The following SPINDOC variants were observed in gnomAD, a reference collection of about 807,000 sequenced individuals.
SPINDOC encodes the protein spindlin interactor and repressor of chromatin binding, also known as spindlin interactor and repressor of chromatin-binding protein.
SPINDOC carries 13 observed loss-of-function variants against 30.7 expected under a neutral mutation model. The observed-to-expected ratio is 0.42, with a 90% CI of 0.28 to 0.67. The LOEUF (loss-of-function observed/expected upper bound fraction) is 0.67, where lower values mean the gene tolerates loss of function less well. Among genes scored for constraint, SPINDOC ranks in the 30% least tolerant of loss-of-function variants. The probability of loss-of-function intolerance (pLI) is 0.22; values close to 1 mark genes in which losing one functional copy is unlikely to be tolerated. For missense variants in SPINDOC, 438 were observed against 518.0 expected (o/e 0.85, Z 1.50); for synonymous variants, 228 against 211.4 (o/e 1.08, Z -0.68).
intron 5 of SPINDOC, among the ~76,000 whole-genome samples, chr11:63,825,831 C>T (rs1251544239): frequency 2.0e-5 from 3 of 152,134 alleles, no homozygotes; most frequent in African/African-American, 4.8e-5. Flanking sequence ...TTTAAATAAT[C>T]GTGTCTCTAA....
At chr11:63,817,018 T>C (rs1321092223) in intron 1 of SPINDOC, among the ~76,000 whole-genome samples, 2 of 151,904 alleles carry the variant, frequency 1.3e-5, no homozygotes, top group East Asian at 3.9e-4. Flanking sequence ...ATTATTTTTT[T>C]GTTTGTTAAT....
chr11:63,815,328 G>T (rs903632707), intron 1 of SPINDOC, among the ~76,000 whole-genome samples: 1 of 152,232 alleles, frequency 6.6e-6, no homozygotes, highest in African/African-American at 2.4e-5. Context: ...GAAAGATTTC[G>T]GTGGAGAGAG....
At chr11:63,823,194 C>T (rs182296954) in intron 5 of SPINDOC, 996 of 1,289,116 alleles carry the variant, frequency 7.7e-4, no homozygotes, top group Admixed American at 1.1e-3. Context: ...CGGTTCTTTG[C>T]GGAGCAGAGG....
At chr11:63,817,727 A>G in intron 1 of SPINDOC, 78 bp from the exon 2 acceptor site, 1 of 1,309,154 alleles carries the variant, frequency 7.6e-7, no homozygotes, top group Non-Finnish European at 1.0e-6. Flanking sequence ...CACTCAAACC[A>G]CTGAGTCTGG....
rs1214633991 is a variant in SPINDOC at position 63,826,910 on chromosome 11, G to A, written c.935-18G>A. ...GTCTGGGGGGCTCTGACTGCTCTCT[G>A]CTCTCATCCCTGCCCAGCTCCCCCT... On this transcript the variant is annotated intron_variant, in intron 5 of 5. Transcript: ENST00000294244. 6 of 1,299,860 alleles carry A rather than the reference G, an allele frequency of 4.6e-6. No individual in the cohort carries two copies. The highest frequency in any genetic ancestry group is 1.2e-5 in the South Asian group (1 of 83,698). The allele number at this position is 1,299,860 out of a possible 1,614,324, so 80.5% of individuals were successfully genotyped here.
chr11:63,817,712 C>G (rs915327135), intron 1 of SPINDOC, 93 bp from the exon 2 acceptor site: 21 of 1,160,114 alleles, frequency 1.8e-5, no homozygotes, highest in Admixed American at 2.7e-5. Context: ...TCTCCTCCCC[C>G]ATCCCACTCA....
At chr11:63,815,225 G>A (rs1038147851) in intron 1 of SPINDOC, among the ~76,000 whole-genome samples, 25 of 152,236 alleles carry the variant, frequency 1.6e-4, no homozygotes, top group African/African-American at 4.8e-4. Context: ...GCACAGACCC[G>A]AAGGAAGTGA....
chr11:63,818,497 A>T lies in SPINDOC; in HGVS notation c.608-30A>T. 6.2e-7 allele frequency: 1 copy of T among 1,608,066 alleles called. No individual in the cohort carries two copies. Among genetic ancestry groups the T allele is most frequent in the Non-Finnish European group, 8.5e-7 (1 of 1,179,272 alleles). On this transcript the variant is annotated intron_variant, in intron 3 of 5. Transcript: ENST00000294244. This position sits in a 1 kb window ranked among gnomAD's most constrained non-coding sequence, Gnocchi z 5.3. ...GGCAGGGTTCGGGGATGGCCTCTTTAAAAGGGTATGAGGTCTTTTCTTTTT... is the reference window on the plus strand; with the variant it reads ...GGCAGGGTTCGGGGATGGCCTCTTTTAAAGGGTATGAGGTCTTTTCTTTTT...
chr11:63,821,473 A>G (rs1404980095), intron 5 of SPINDOC, among the ~76,000 whole-genome samples: 1 of 152,208 alleles, frequency 6.6e-6, no homozygotes, highest in Non-Finnish European at 1.5e-5. Context: ...GGTGAGGGGC[A>G]TCATTCTGCC....
chr11:63,820,909 A>AAAAAAAAAAC (rs749681859), intron 5 of SPINDOC, among the ~76,000 whole-genome samples: 3 of 138,320 alleles, frequency 2.2e-5, no homozygotes, highest in Non-Finnish European at 4.8e-5. Context: ...AAAAAAAAAC[A>AAAAAAAAAAC]ACACACATCG....
In SPINDOC at chr11:63,813,493, A is replaced by C. The variant is rs1355936005; in HGVS notation, c.-194A>C. 4.5e-6 allele frequency: 1 copy of C among 221,846 alleles called. No homozygotes were observed. The highest frequency in any genetic ancestry group is 7.4e-6 in the Non-Finnish European group (1 of 134,854). 13.7% of individuals were successfully genotyped at this position (221,846 alleles called of 1,614,324 possible). On this transcript the variant is annotated 5_prime_UTR_variant, in exon 1 of 6. Transcript: ENST00000294244. ...CCCCGCCCGGGCTCCCGACGCGCCG[A>C]GGTCTCGGGGAGGCCCGGACGCGCC...
rs1362279501 is a variant in SPINDOC, at chr11:63,818,124, A to G, written c.447A>G (p.Pro149=). The G allele has an allele frequency of 1.2e-6, 2 of 1,613,698 alleles. No individual in the cohort carries two copies. Among genetic ancestry groups the G allele is most frequent in the Non-Finnish European group, 1.7e-6 (2 of 1,179,864 alleles). Residue 149 remains proline, a synonymous_variant, in exon 2 of 6, where the codon CCA becomes CCG. Coordinates refer to ENST00000294244, the MANE Select transcript of SPINDOC (RefSeq NM_138471.3). This position sits in a 1 kb window ranked among gnomAD's most constrained non-coding sequence, Gnocchi z 5.3. ...LQDVRAEQPS[P]PNSDSGQDAH... ...ACGTGAGAGCTGAGCAGCCGTCCCCACCCAACTCAGGTAGTTGGTCCTGGG... is the reference window on the plus strand; with the variant it reads ...ACGTGAGAGCTGAGCAGCCGTCCCCGCCCAACTCAGGTAGTTGGTCCTGGG...
chr11:63,818,191 C>T lies in SPINDOC; in HGVS notation c.458-25C>T. On this transcript the variant is annotated intron_variant, in intron 2 of 5. Coordinates refer to ENST00000294244, the MANE Select transcript of SPINDOC (RefSeq NM_138471.3). This position sits in a 1 kb window ranked among gnomAD's most constrained non-coding sequence, Gnocchi z 5.3. ...GTCGGACTTGTTGGGGCACTAGAAG[C>T]TCATTGTGCTCTTGCTCCCTGCAGA... is the stretch of plus-strand genomic sequence containing the variant. 6.2e-7 allele frequency: 1 copy of T among 1,613,654 alleles called. No homozygotes were observed. Among genetic ancestry groups the T allele is most frequent in the Non-Finnish European group, 8.5e-7 (1 of 1,179,666 alleles).
chr11:63,826,821 A>G (rs1316412889), intron 5 of SPINDOC, 107 bp from the exon 6 acceptor site: 5 of 667,876 alleles, frequency 7.5e-6, no homozygotes, highest in Non-Finnish European at 1.1e-5. Context: ...TGTGGACATA[A>G]TGAAAGCCCT....
chr11:63,813,897 C>G, intron 1 of SPINDOC, 84 bp downstream of exon 1: 1 of 1,393,378 alleles, frequency 7.2e-7, no homozygotes, highest in Non-Finnish European at 9.4e-7. Flanking sequence ...GTCCGGGACC[C>G]GGGCACCTTC....
chr11:63,816,159 G>A (rs1246292024), intron 1 of SPINDOC, among the ~76,000 whole-genome samples: 1 of 152,158 alleles, frequency 6.6e-6, no homozygotes, highest in Non-Finnish European at 1.5e-5. Context: ...TGGAGGTGAT[G>A]CATAAGGGGA....
chr11:63,824,101 C>T (rs1472111618), intron 5 of SPINDOC, among the ~76,000 whole-genome samples: 1 of 151,232 alleles, frequency 6.6e-6, no homozygotes, highest in Non-Finnish European at 1.5e-5. Context: ...GTAGAGATGG[C>T]GTCTCACCCT....
At chr11:63,823,562 A>G (rs114987439) in intron 5 of SPINDOC, among the ~76,000 whole-genome samples, 3,426 of 152,178 alleles carry the variant, frequency 0.023, 129 homozygotes, top group African/African-American at 0.077. Flanking sequence ...CTGACAAGTA[A>G]TGGAAAGAGG....
At chr11:63,815,270 A>G (rs2135132722) in intron 1 of SPINDOC, among the ~76,000 whole-genome samples, 1 of 152,348 alleles carries the variant, frequency 6.6e-6, no homozygotes, top group South Asian at 2.1e-4. Context: ...CAGGAAGAGC[A>G]TTTCAGGCCG....
Sources: allele counts gnomAD v4.1 joint callset (sites outside exome capture counted in the v4.1 genomes callset), GRCh38; gene constraint gnomAD v4.1.1; non-coding constraint Gnocchi (gnomAD v3.1); transcripts MANE v1.5; gene names NCBI Gene and HGNC (gene_info 2026-07-23, HGNC 2026-07-21).